Variants in JADE1 observed in about 807,000 individuals in gnomAD.
The protein encoded by JADE1 is jade family PHD finger 1, also known as protein Jade-1.
In JADE1, 14 loss-of-function variants were observed where a neutral mutation model predicts 81.8. The ratio of observed to expected loss-of-function variants is 0.17; its 90% CI spans 0.11 to 0.27. The LOEUF (loss-of-function observed/expected upper bound fraction) is 0.27. Among genes scored for constraint, JADE1 ranks in the 10% least tolerant of loss-of-function variants. JADE1 has a pLI of 1.00. For missense variants in JADE1, 690 were observed against 1,047.9 expected (o/e 0.66, Z 4.71); for synonymous variants, 353 against 391.9 (o/e 0.90, Z 1.17).
In JADE1 at chr4:128,857,342, G is replaced by C; in HGVS notation, c.869G>C (p.Ser290Thr). ...TTGCTGTTTTCCGACCTTTAGGTGA[G>C]CATTGGCAGCCCAGAGAAGATGGAG... ...VSCALWIPEV[S>T]IGSPEKMEPI... Residue 290 changes from serine to threonine, a missense_variant, in exon 8 of 11, where the codon AGC becomes ACC. Ser to Thr is a moderately conservative substitution (Grantham distance 58). Around this residue, in one of 8 missense-constraint regions of JADE1, gnomAD observed 84 missense variants for 226.6 expected, o/e 0.37. Transcript: ENST00000226319. The C allele has an allele frequency of 6.2e-7, 1 of 1,613,852 alleles. No individual in the cohort carries two copies. Among genetic ancestry groups the C allele is most frequent in the Non-Finnish European group, 8.5e-7 (1 of 1,179,764 alleles).
intron 2 of JADE1, among the ~76,000 whole-genome samples, chr4:128,840,035 A>G (rs1729302069): frequency 6.6e-6 from 1 of 152,256 alleles, no homozygotes; most frequent in African/African-American, 2.4e-5. Flanking sequence ...TGGGTGGACT[A>G]GAGTTTCTCT....
At chr4:128,845,795 C>A (rs1317977860) in intron 3 of JADE1, among the ~76,000 whole-genome samples, 2 of 152,024 alleles carry the variant, frequency 1.3e-5, no homozygotes, top group African/African-American at 4.8e-5. Context: ...TGGTGGCGTG[C>A]ACCTGTAATC....
intron 7 of JADE1, 63 bp downstream of exon 7, chr4:128,855,860 C>T (rs1456163585): frequency 4.1e-6 from 6 of 1,448,066 alleles, no homozygotes; most frequent in Non-Finnish European, 4.7e-6. Context: ...ACTCTGTCGC[C>T]CAGGCTGGAG....
chr4:128,855,443 G>T (rs1730710933), intron 6 of JADE1, among the ~76,000 whole-genome samples, 187 bp from the exon 7 acceptor site: 1 of 152,154 alleles, frequency 6.6e-6, no homozygotes, highest in Non-Finnish European at 1.5e-5. Flanking sequence ...CCTCCTAAAT[G>T]CTCCTGTGAG....
intron 9 of JADE1, chr4:128,862,651 A>G (rs569231563): frequency 3.0e-6 from 3 of 1,015,838 alleles, no homozygotes; most frequent in Middle Eastern, 5.1e-4. Context: ...GAGATGGGAA[A>G]ATTTCTTGTT....
intron 4 of JADE1, among the ~76,000 whole-genome samples, chr4:128,848,344 A>T (rs1168934424): frequency 1.3e-5 from 2 of 151,876 alleles, no homozygotes; most frequent in African/African-American, 4.8e-5. Flanking sequence ...ATACCTGGCT[A>T]ATTTCTGTAT....
chr4:128,827,938 C>A, intron 1 of JADE1: 1 of 975,144 alleles, frequency 1.0e-6, no homozygotes, highest in Admixed American at 6.2e-5. Flanking sequence ...CCAAACATGC[C>A]CCTTTTTCTG....
At chr4:128,856,404 C>T (rs1223613863) in intron 7 of JADE1, among the ~76,000 whole-genome samples, 1 of 152,186 alleles carries the variant, frequency 6.6e-6, no homozygotes, top group Non-Finnish European at 1.5e-5. Context: ...CATCGCGACT[C>T]TCACTCTCAG....
rs1216939344 is a variant in JADE1, at chr4:128,846,133, G to A, written c.139-242G>A. Among the ~76,000 whole-genome samples the A allele has an allele frequency of 1.3e-5, 2 of 152,042 alleles. No individual in the cohort carries two copies. The highest frequency in any genetic ancestry group is 1.5e-5 in the Non-Finnish European group (1 of 67,998). Reference sequence around the variant, plus strand: ...AAGATTTTTTGTTGTTTTTGTTGACGTTGTTGTGGACACTATGGACTGAGG... The same window carrying A: ...AAGATTTTTTGTTGTTTTTGTTGACATTGTTGTGGACACTATGGACTGAGG... On this transcript the variant is annotated intron_variant, in intron 3 of 10. Transcript: ENST00000226319. This position sits in a 1 kb window ranked among gnomAD's most constrained non-coding sequence, Gnocchi z 4.0.
chr4:128,825,446 G>C (rs138242402), intron 1 of JADE1, among the ~76,000 whole-genome samples: 1 of 152,216 alleles, frequency 6.6e-6, no homozygotes, highest in Non-Finnish European at 1.5e-5. Flanking sequence ...GAACTTGTTC[G>C]CTCAAATTCC....
chr4:128,821,597 C>T (rs771601250), intron 1 of JADE1, among the ~76,000 whole-genome samples: 4 of 151,190 alleles, frequency 2.6e-5, no homozygotes, highest in African/African-American at 9.7e-5. Context: ...TGGGTTCAAG[C>T]GATTCTCCTG....
rs779858175 is a variant in JADE1 at position 128,874,414 on chromosome 4, C to T, written c.*2152C>T. 1 of 152,388 alleles carries T rather than the reference C, an allele frequency of 6.6e-6. No homozygotes were observed. The highest frequency in any genetic ancestry group is 6.6e-5 in the Admixed American group (1 of 15,254). The allele number at this position is 152,388 out of a possible 1,614,324, so 9.4% of individuals were successfully genotyped here. ...AGTTTTGTGCAAAAATAATGCCTTA[C>T]CTGTTTTTTCCCCACATTTAGGTTG... On this transcript the variant is annotated 3_prime_UTR_variant, in exon 11 of 11. Coordinates refer to ENST00000226319, the MANE Select transcript of JADE1 (RefSeq NM_199320.4).
Position 128,846,887 on chromosome 4 carries a change from C to T in JADE1, c.296+355C>T, listed in dbSNP as rs748673268. 2.6e-5 allele frequency among the ~76,000 whole-genome samples: 4 copies of T among 152,166 alleles called. No homozygotes were observed. Among genetic ancestry groups the T allele is most frequent in the Non-Finnish European group, 4.4e-5 (3 of 68,048 alleles). ...ATCCTCTTTTCCTGCCCTCCGTATT[C>T]GCTCTGGAGAGTGGCTCTCCTGGAG... On this transcript the variant is annotated intron_variant, in intron 4 of 10. Coordinates refer to ENST00000226319, the MANE Select transcript of JADE1 (RefSeq NM_199320.4). The surrounding 1 kb of genome is among the most constrained non-coding windows in gnomAD (Gnocchi z 4.0).
intron 1 of JADE1, among the ~76,000 whole-genome samples, chr4:128,819,287 T>TTG (rs1553942332): frequency 6.6e-6 from 1 of 151,444 alleles, no homozygotes; most frequent in Non-Finnish European, 1.5e-5. Context: ...GTTTTTTTTT[T>TTG]GGGGGGCAGG....
In JADE1 at chr4:128,847,360, CT is replaced by C. The variant is rs563895035; in HGVS notation, c.296+835del. Among the ~76,000 whole-genome samples the C allele has an allele frequency of 7.2e-3, 1,098 of 152,302 alleles. 9 individuals are homozygous for C. Among genetic ancestry groups the C allele is most frequent in the African/African-American group, 0.025 (1,054 of 41,562 alleles). Reference sequence around the variant, plus strand: ...CCTGGCCCTCACCCACTTTGTGTCTCTTTTTTTGGGCACTTAAGATTATCAA... The same window carrying C: ...CCTGGCCCTCACCCACTTTGTGTCTCTTTTTTGGGCACTTAAGATTATCAA... On this transcript the variant is annotated intron_variant, in intron 4 of 10. Transcript: ENST00000226319.
At chr4:128,823,336 C>A (rs1228631203) in intron 1 of JADE1, among the ~76,000 whole-genome samples, 1 of 152,102 alleles carries the variant, frequency 6.6e-6, no homozygotes, top group African/African-American at 2.4e-5. Context: ...ATTTAAAATT[C>A]CTTAAAGTCT....
At position 128,862,451 on chromosome 4, in the gene JADE1, TA is replaced by T. The variant is rs1331151714; in HGVS notation, c.1503+231del. 10 of 1,365,880 alleles carry T rather than the reference TA, an allele frequency of 7.3e-6. No individual in the cohort carries two copies. In the South Asian group the frequency reaches 1.2e-4, roughly 17 times the overall value. The allele number at this position is 1,365,880 out of a possible 1,614,324, so 84.6% of individuals were successfully genotyped here. ...AGCTTCTTTGTGGTTTTTTTTTTTTTAAAAACACTTTCCCATTAATCTTTAC... is the reference window on the plus strand; with the variant it reads ...AGCTTCTTTGTGGTTTTTTTTTTTTTAAAACACTTTCCCATTAATCTTTAC... On this transcript the variant is annotated intron_variant, in intron 9 of 10. Transcript: ENST00000226319.
In JADE1 at chr4:128,872,042, G is replaced by C. The variant is rs759129941; in HGVS notation, c.2309G>C (p.Cys770Ser). 6.2e-7 allele frequency: 1 copy of C among 1,613,948 alleles called. No individual in the cohort carries two copies. The highest frequency in any genetic ancestry group is 8.5e-7 in the Non-Finnish European group (1 of 1,179,940). Reference protein sequence around the residue: ...QQQGEAHDGACHQHSDYPYLG... With the variant: ...QQQGEAHDGASHQHSDYPYLG... ...CAGGGAGAGGCCCACGATGGGGCCTGCCACCAGCACTCAGACTACCCATAT... is the reference window on the plus strand; with the variant it reads ...CAGGGAGAGGCCCACGATGGGGCCTCCCACCAGCACTCAGACTACCCATAT... The change falls in exon 11 of 11, where the codon TGC (cysteine) becomes TCC (serine). Residue 770 changes from cysteine (C) to serine (S), a missense_variant. This residue lies in a region of JADE1 where 218 missense variants were observed against 274.3 expected (regional missense o/e 0.79). Coordinates refer to ENST00000226319, the MANE Select transcript of JADE1 (RefSeq NM_199320.4).
At chr4:128,826,281 T>C (rs1291669701) in intron 1 of JADE1, among the ~76,000 whole-genome samples, 1 of 152,200 alleles carries the variant, frequency 6.6e-6, no homozygotes, top group Admixed American at 6.5e-5. Flanking sequence ...CCAGTCTGAG[T>C]TGGATTCAAT....
Sources: gnomAD v4.1 joint callset for allele counts (sites outside exome capture counted in the v4.1 genomes callset) on GRCh38, gnomAD v4.1.1 for gene constraint, gnomAD v4.1.1 regional missense constraint, Gnocchi (gnomAD v3.1) non-coding constraint, MANE v1.5 for transcripts, NCBI Gene and HGNC (gene_info 2026-07-23, HGNC 2026-07-21) for gene names.